Variants in PROKR2 observed in about 807,000 individuals in gnomAD.
PROKR2 encodes prokineticin receptor 2, also known as G protein-coupled receptor 73-like 1.
PROKR2 carries 26 observed loss-of-function variants against 23.4 expected under a neutral mutation model. The observed-to-expected ratio is 1.11, with a 90% CI of 0.81 to 1.54. The LOEUF is 1.54. Ranked by LOEUF, PROKR2 falls within the 40% of genes most tolerant of loss-of-function variation. The pLI, the probability that PROKR2 is intolerant of heterozygous loss-of-function variation, is 0.00. For missense variants in PROKR2, 453 were observed against 511.5 expected (o/e 0.89, Z 1.10); for synonymous variants, 212 against 201.2 (o/e 1.05, Z -0.45).
In PROKR2 at chr20:5,301,198, G is replaced by A. The variant is rs1363649816; in HGVS notation, c.*842C>T. Among the ~76,000 whole-genome samples the A allele has an allele frequency of 6.9e-6, 1 of 145,166 alleles. No individual in the cohort carries two copies. Among genetic ancestry groups the A allele is most frequent in the Admixed American group, 7.1e-5 (1 of 14,110 alleles). On this transcript the variant is annotated 3_prime_UTR_variant, in exon 3 of 3. Coordinates refer to ENST00000678254, the MANE Select transcript of PROKR2 (RefSeq NM_144773.4). ...TTGTGTCTAAGAGTCTTCTTCTATA[G>A]CCGTTGGTTGTTGTTGTTGTTGTTT...
Position 5,299,436 on chromosome 20 carries a change from G to A in PROKR2, c.*2604C>T, listed in dbSNP as rs576367653. On this transcript the variant is annotated 3_prime_UTR_variant, in exon 3 of 3. Coordinates refer to ENST00000678254, the MANE Select transcript of PROKR2 (RefSeq NM_144773.4). ...CTAAAGAATCTCCTGATTCGGCTAA[G>A]AGCCAGGATAGAATAATAAATAAAA... Among the ~76,000 whole-genome samples the A allele has an allele frequency of 1.3e-5, 2 of 151,998 alleles. No individual in the cohort carries two copies. The highest frequency in any genetic ancestry group is 1.3e-4 in the Admixed American group (2 of 15,288).
intron 2 of PROKR2, among the ~76,000 whole-genome samples, chr20:5,313,495 G>A (rs1600587913): frequency 6.6e-6 from 1 of 152,340 alleles, no homozygotes; most frequent in Non-Finnish European, 1.5e-5. Context: ...GAGCACAGAA[G>A]GTTCTCTAGC....
rs1175683074 is a variant in PROKR2, at chr20:5,301,612, G to A, written c.*428C>T. Among the ~76,000 whole-genome samples the A allele has an allele frequency of 6.6e-6, 1 of 152,236 alleles. No homozygotes were observed. Among genetic ancestry groups the A allele is most frequent in the Non-Finnish European group, 1.5e-5 (1 of 68,038 alleles). On this transcript the variant is annotated 3_prime_UTR_variant, in exon 3 of 3. Coordinates refer to ENST00000678254, the MANE Select transcript of PROKR2 (RefSeq NM_144773.4). ...TGAACTATCTATATATCTGGAGATAGCTTGGAAACTCCAATAGCTTCTGCT... is the reference window on the plus strand; with the variant it reads ...TGAACTATCTATATATCTGGAGATAACTTGGAAACTCCAATAGCTTCTGCT...
rs1568574152 is a variant in PROKR2 at position 5,316,166 on chromosome 20, T to C, written c.-9+328A>G. 4.4e-6 allele frequency: 2 copies of C among 456,652 alleles called. No individual in the cohort carries two copies. The highest frequency in any genetic ancestry group is 8.8e-6 in the Non-Finnish European group (2 of 226,954). 28.3% of individuals were successfully genotyped at this position (456,652 alleles called of 1,614,324 possible). A position where few individuals can be genotyped will look rare whatever the true frequency, so the allele number is the denominator to read the frequency against. ...CCCACGGACGCTTGCTGTTTCCTGCTCACCTTTCAGGAAGGTGCCCCTCTA... is the reference window on the plus strand; with the variant it reads ...CCCACGGACGCTTGCTGTTTCCTGCCCACCTTTCAGGAAGGTGCCCCTCTA... On this transcript the variant is annotated intron_variant, in intron 1 of 2. Coordinates refer to ENST00000678254, the MANE Select transcript of PROKR2 (RefSeq NM_144773.4). The surrounding 1 kb of genome is among the most constrained non-coding windows in gnomAD (Gnocchi z 5.0).
At chr20:5,309,765 C>T (rs146543449) in intron 2 of PROKR2, among the ~76,000 whole-genome samples, 10 of 141,068 alleles carry the variant, frequency 7.1e-5, no homozygotes, top group African/African-American at 1.1e-4. Context: ...AACTTTATAG[C>T]TCTCTCTCAA....
chr20:5,315,963 C>G (rs555467746), intron 1 of PROKR2: 4 of 456,550 alleles, frequency 8.8e-6, no homozygotes, highest in African/African-American at 6.0e-5. Flanking sequence ...GGGAGCGACC[C>G]GTTCCAGCAG....
Position 5,314,250 on chromosome 20 carries a change from A to T in PROKR2, c.120T>A (p.Asp40Glu). Residue 40 changes from aspartate (D) to glutamate (E), a missense_variant, in exon 2 of 3, where the codon GAT (aspartate) becomes GAA (glutamate). Transcript: ENST00000678254. ...AGGTCCGGGTCTTGGTCATGTCCTC[A>T]TCCTCATCCATAGGGAGGTCATAAT... ...YGDYDLPMDEDEDMTKTRTFF... is the reference protein window; with the variant it reads ...YGDYDLPMDEEEDMTKTRTFF... 7.4e-6 allele frequency: 12 copies of T among 1,614,174 alleles called. No individual in the cohort carries two copies. Among genetic ancestry groups the T allele is most frequent in the Non-Finnish European group, 1.0e-5 (12 of 1,179,990 alleles).
At chr20:5,304,197 G>C (rs189042725) in intron 2 of PROKR2, among the ~76,000 whole-genome samples, 79 of 152,206 alleles carry the variant, frequency 5.2e-4, no homozygotes, top group African/African-American at 1.7e-3. Context: ...ATTCAGGCAG[G>C]AATTCAGCAA....
In PROKR2 at chr20:5,302,430, G is replaced by C; in HGVS notation, c.765C>G (p.Val255=). The C allele has an allele frequency of 1.9e-6, 3 of 1,614,198 alleles. No homozygotes were observed. The highest frequency in any genetic ancestry group is 2.5e-6 in the Non-Finnish European group (3 of 1,180,036). ...RISRELWFKA[V]PGFQTEQIRK... The stretch of plus-strand genomic sequence containing the variant: ...GAATCTGCTCCGTCTGGAACCCAGG[G>C]ACTGCCTTGAACCAGAGCTCCCGGG... Residue 255 remains valine (V), a synonymous_variant, in exon 3 of 3, where the codon GTC becomes GTG. Transcript: ENST00000678254.
chr20:5,313,896 C>T lies in PROKR2; in HGVS notation c.458+16G>A, dbSNP rs750643566. 2 of 1,610,042 alleles carry T rather than the reference C, an allele frequency of 1.2e-6. No individual in the cohort carries two copies. Among genetic ancestry groups the T allele is most frequent in the East Asian group, 2.2e-5 (1 of 44,838 alleles). On this transcript the variant is annotated intron_variant, in intron 2 of 2. Transcript: ENST00000678254. Reference sequence around the variant, plus strand: ...CCTGGCCCAGCCCCACCACTCACCCCACCCACCATCCTCACCTGTCAATGG... The same window carrying T: ...CCTGGCCCAGCCCCACCACTCACCCTACCCACCATCCTCACCTGTCAATGG...
chr20:5,307,124 G>T (rs56083778), intron 2 of PROKR2, among the ~76,000 whole-genome samples: 15,004 of 152,136 alleles, frequency 0.099, 804 homozygotes, highest in African/African-American at 0.11. Context: ...GTCATGTCGA[G>T]ACTGATGCTG....
At chr20:5,309,951 A>C (rs1979372192) in intron 2 of PROKR2, among the ~76,000 whole-genome samples, 1 of 152,182 alleles carries the variant, frequency 6.6e-6, no homozygotes, top group African/African-American at 2.4e-5. Flanking sequence ...AAGCAATAAC[A>C]CTGGCCTAGG....
chr20:5,307,572 G>A (rs1414355097), intron 2 of PROKR2, among the ~76,000 whole-genome samples: 24 of 152,218 alleles, frequency 1.6e-4, no homozygotes, highest in Non-Finnish European at 2.8e-4. Flanking sequence ...GAGGTGCTGC[G>A]CAACGAATCC....
rs987133558 is a variant in PROKR2 at position 5,299,894 on chromosome 20, GGATTACAGATGT to G, written c.*2134_*2145del. ...CCCATCTTGGCCTCCCGAAGTGCTG[GGATTACAGATGT>G]GAGCCACCATGCCGGCCTGCATTTT... On this transcript the variant is annotated 3_prime_UTR_variant, in exon 3 of 3. Transcript: ENST00000678254. Among the ~76,000 whole-genome samples the G allele has an allele frequency of 6.6e-6, 1 of 152,194 alleles. No homozygotes were observed. Among genetic ancestry groups the G allele is most frequent in the Non-Finnish European group, 1.5e-5 (1 of 68,026 alleles).
rs1049624609 is a variant in PROKR2 at position 5,300,191 on chromosome 20, T to G, written c.*1849A>C. On this transcript the variant is annotated 3_prime_UTR_variant, in exon 3 of 3. Transcript: ENST00000678254. ...GACGTGTACCTACAGTTACCACAAA[T>G]GTATAATACAAACAGATTCAGAAGT... 7.4e-5 allele frequency among the ~76,000 whole-genome samples: 5 copies of G among 67,884 alleles called. No homozygotes were observed. The highest frequency in any genetic ancestry group is 1.7e-4 in the Non-Finnish European group (5 of 29,016). 44.5% of individuals were successfully genotyped at this position (67,884 alleles called of 152,430 possible). A position where few individuals can be genotyped will look rare whatever the true frequency, so the allele number is the denominator to read the frequency against.
chr20:5,305,824 G>A (rs994662127), intron 2 of PROKR2, among the ~76,000 whole-genome samples: 6 of 152,150 alleles, frequency 3.9e-5, no homozygotes, highest in African/African-American at 1.4e-4. Flanking sequence ...GTATATAAAA[G>A]TAGTTATATT....
rs527575184 is a variant in PROKR2, at chr20:5,301,171, C to T, written c.*869G>A. Among the ~76,000 whole-genome samples the T allele has an allele frequency of 2.6e-5, 4 of 152,142 alleles. No homozygotes were observed. The highest frequency in any genetic ancestry group is 1.9e-4 in the East Asian group (1 of 5,182). On this transcript the variant is annotated 3_prime_UTR_variant, in exon 3 of 3. Transcript: ENST00000678254. ...ACTGACAAACTTATCGTTACATTTC[C>T]ATTGTGTCTAAGAGTCTTCTTCTAT...
intron 2 of PROKR2, among the ~76,000 whole-genome samples, chr20:5,310,818 A>T (rs571489367): frequency 6.6e-6 from 1 of 152,346 alleles, no homozygotes; most frequent in Admixed American, 6.5e-5. Context: ...CTGATTTGGG[A>T]GTAACCCAAG....
chr20:5,305,407 A>C (rs111273300), intron 2 of PROKR2, among the ~76,000 whole-genome samples: 17,682 of 152,270 alleles, frequency 0.12, 1,099 homozygotes, highest in Non-Finnish European at 0.12. Flanking sequence ...TACTTCTAGG[A>C]AGGTCTAGCT....
Sources: gnomAD v4.1 joint callset for allele counts (sites outside exome capture counted in the v4.1 genomes callset) on GRCh38, gnomAD v4.1.1 for gene constraint, Gnocchi (gnomAD v3.1) non-coding constraint, MANE v1.5 for transcripts, NCBI Gene and HGNC (gene_info 2026-07-23, HGNC 2026-07-21) for gene names.